CHRM2: variants seen among roughly 807,000 people sequenced by gnomAD.
CHRM2 encodes the protein muscarinic acetylcholine receptor M2.
Under a neutral mutation model 25.0 loss-of-function variants are expected in CHRM2, and 8 were observed. The observed-to-expected ratio is 0.32, with a 90% CI of 0.19 to 0.58. The LOEUF (loss-of-function observed/expected upper bound fraction) is 0.58. CHRM2 is among the 20% of genes least tolerant of loss of function. CHRM2 has a pLI of 0.88. For missense variants in CHRM2, 440 were observed against 567.1 expected (o/e 0.78, Z 2.28); for synonymous variants, 202 against 205.7 (o/e 0.98, Z 0.15).
At chr7:136,999,395 ACTT>A (rs1298084053) in intron 3 of CHRM2, among the ~76,000 whole-genome samples, 1 of 152,052 alleles carries the variant, frequency 6.6e-6, no homozygotes, top group Non-Finnish European at 1.5e-5. Context: ...AATATATTTT[ACTT>A]CTTTTTTTAA....
chr7:136,999,388 A>G (rs1803829136), intron 3 of CHRM2, among the ~76,000 whole-genome samples: 1 of 152,032 alleles, frequency 6.6e-6, no homozygotes, highest in African/African-American at 2.4e-5. Flanking sequence ...AAAATAAAAT[A>G]TATTTTACTT....
chr7:136,933,404 A>G, intron 2 of CHRM2, among the ~76,000 whole-genome samples: 1 of 152,258 alleles, frequency 6.6e-6, no homozygotes, highest in East Asian at 1.9e-4. Context: ...CATACACACC[A>G]GGAGAGCTAT....
chr7:137,014,969 T>C lies in CHRM2; in HGVS notation c.104T>C (p.Leu35Ser). 6.2e-7 allele frequency: 1 copy of C among 1,613,352 alleles called. No homozygotes were observed. Among genetic ancestry groups the C allele is most frequent in the Middle Eastern group, 1.7e-4 (1 of 6,050 alleles). ...FIVLVAGSLSLVTIIGNILVM... is the reference protein window; with the variant it reads ...FIVLVAGSLSSVTIIGNILVM... The stretch of plus-strand genomic sequence containing the variant: ...GTCCTGGTGGCTGGATCCCTCAGTT[T>C]GGTGACCATTATCGGGAACATCCTA... The change falls in exon 4 of 4, where the codon TTG becomes TCG. Residue 35 changes from leucine (L) to serine (S), a missense_variant. Leu to Ser is a moderately radical substitution (Grantham distance 145, BLOSUM62 -2). Around this residue, in one of 5 missense-constraint regions of CHRM2, gnomAD observed 86 missense variants for 124.9 expected, o/e 0.69. Coordinates refer to ENST00000680005, the MANE Select transcript of CHRM2 (RefSeq NM_001006630.2).
At chr7:136,881,854 T>A (rs537732038) in intron 2 of CHRM2, among the ~76,000 whole-genome samples, 44 of 152,174 alleles carry the variant, frequency 2.9e-4, no homozygotes, top group African/African-American at 1.1e-3. Context: ...GGCTGTTTAC[T>A]TTCCACTTCT....
intron 2 of CHRM2, among the ~76,000 whole-genome samples, chr7:136,978,454 A>T (rs1802256411): frequency 6.6e-6 from 1 of 151,972 alleles, no homozygotes; most frequent in African/African-American, 2.4e-5. Flanking sequence ...TTATTAGCGC[A>T]TCTTTTTTTT....
chr7:137,009,800 G>A (rs1403718020), intron 3 of CHRM2, among the ~76,000 whole-genome samples: 1 of 151,934 alleles, frequency 6.6e-6, no homozygotes, highest in Non-Finnish European at 1.5e-5. Context: ...CTCAAGACAT[G>A]TTAATTATCA....
intron 2 of CHRM2, among the ~76,000 whole-genome samples, chr7:136,885,559 T>G (rs1796430517): frequency 6.6e-6 from 1 of 152,222 alleles, no homozygotes. Flanking sequence ...TGACAGATAT[T>G]AATGCACTAG....
intron 2 of CHRM2, among the ~76,000 whole-genome samples, chr7:136,917,041 G>C (rs1022574626): frequency 1.3e-5 from 2 of 151,846 alleles, no homozygotes; most frequent in African/African-American, 4.8e-5. Context: ...TCTAATATAT[G>C]CCTTTATTTT....
intron 2 of CHRM2, among the ~76,000 whole-genome samples, chr7:136,913,540 C>T (rs1364404): frequency 0.25 from 38,157 of 151,818 alleles, 5,418 homozygotes; most frequent in Non-Finnish European, 0.32. Flanking sequence ...AATAAGGTAA[C>T]TTTGCCAATA....
At chr7:136,883,223 G>A (rs1436376948) in intron 2 of CHRM2, among the ~76,000 whole-genome samples, 1 of 152,108 alleles carries the variant, frequency 6.6e-6, no homozygotes, top group Non-Finnish European at 1.5e-5. Context: ...ACCTTCTAGG[G>A]AGCTTAGAAA....
At chr7:136,935,477 A>C (rs1799360752) in intron 2 of CHRM2, among the ~76,000 whole-genome samples, 5 of 152,154 alleles carry the variant, frequency 3.3e-5, no homozygotes, top group Admixed American at 3.3e-4. Flanking sequence ...CTAATGATGA[A>C]GTTTAAACAA....
At chr7:136,967,607 T>C (rs1188916800) in intron 2 of CHRM2, among the ~76,000 whole-genome samples, 1 of 152,062 alleles carries the variant, frequency 6.6e-6, no homozygotes, top group Middle Eastern at 3.2e-3. Flanking sequence ...ATTAGGCCCT[T>C]CCAACTTGAG....
At chr7:136,906,903 C>G (rs565648059) in intron 2 of CHRM2, 1 of 151,456 alleles carries the variant, frequency 6.6e-6, no homozygotes, top group East Asian at 2.0e-4. Flanking sequence ...AACTATAAAA[C>G]TCACCATAAT....
At chr7:137,000,190 CTTTCTT>C (rs1803893289) in intron 3 of CHRM2, among the ~76,000 whole-genome samples, 10 of 97,512 alleles carry the variant, frequency 1.0e-4, no homozygotes, top group African/African-American at 3.3e-4. Context: ...AATTCTTTTT[CTTTCTT>C]TTTTTTTTTT....
intron 2 of CHRM2, among the ~76,000 whole-genome samples, chr7:136,896,320 C>T (rs1316511802): frequency 1.3e-5 from 2 of 152,142 alleles, no homozygotes; most frequent in Non-Finnish European, 2.9e-5. Flanking sequence ...TTTCTGATTT[C>T]TCAATGGACT....
chr7:136,925,563 T>C (rs1798698541), intron 2 of CHRM2, among the ~76,000 whole-genome samples: 2 of 151,300 alleles, frequency 1.3e-5, no homozygotes, highest in South Asian at 4.2e-4. Flanking sequence ...AAATGGGAAG[T>C]CTACAATAGA....
chr7:137,016,170 CA>C lies in CHRM2; in HGVS notation c.1307del (p.Asn436ThrfsTer27), dbSNP rs1805177838. 1 of 1,612,960 alleles carries C rather than the reference CA, an allele frequency of 6.2e-7. No individual in the cohort carries two copies. The highest frequency in any genetic ancestry group is 8.5e-7 in the Non-Finnish European group (1 of 1,179,362). ...GGCTTTGTTACATCAACAGCACTAT[CA>C]ACCCTGCCTGCTATGCACTTTGCAA... ...YWLCYINSTI[N>X]PACYALCNAT... On this transcript the variant is annotated frameshift_variant, in exon 4 of 4. Coordinates refer to ENST00000680005, the MANE Select transcript of CHRM2 (RefSeq NM_001006630.2). LOFTEE classifies it high-confidence loss of function.
At chr7:136,876,767 G>A (rs1226017618) in intron 2 of CHRM2, among the ~76,000 whole-genome samples, 1 of 152,076 alleles carries the variant, frequency 6.6e-6, no homozygotes, top group Admixed American at 6.5e-5. Context: ...CTTTTCTGAG[G>A]CTGAGAATCC....
At chr7:136,969,479 C>T (rs989737314) in intron 2 of CHRM2, among the ~76,000 whole-genome samples, 1 of 152,108 alleles carries the variant, frequency 6.6e-6, no homozygotes, top group Admixed American at 6.6e-5. Context: ...TCTTGCTTAC[C>T]TCTAGATCCT....
Sources: gnomAD v4.1 joint callset for allele counts (sites outside exome capture counted in the v4.1 genomes callset) on GRCh38, gnomAD v4.1.1 for gene constraint, gnomAD v4.1.1 regional missense constraint, MANE v1.5 for transcripts, NCBI Gene and HGNC (gene_info 2026-07-23, HGNC 2026-07-21) for gene names.